MYH15: variants seen among roughly 807,000 people sequenced by gnomAD.
MYH15 encodes myosin-15.
A neutral mutation model predicts 240.5 loss-of-function variants in MYH15; 227 were observed. The ratio of observed to expected loss-of-function variants is 0.94; its 90% CI spans 0.85 to 1.05. The LOEUF (loss-of-function observed/expected upper bound fraction) is 1.05. Among genes scored for constraint, MYH15 ranks in the 50% least tolerant of loss-of-function variants. The pLI is 0.00. For missense variants in MYH15, 2,217 were observed against 2,247.5 expected (o/e 0.99, Z 0.27); for synonymous variants, 785 against 796.7 (o/e 0.99, Z 0.25).
intron 21 of MYH15, 39 bp downstream of exon 21, chr3:108,453,966 AT>A (rs2082997636): frequency 1.3e-6 from 2 of 1,591,254 alleles, no homozygotes; most frequent in African/African-American, 2.7e-5. Context: ...GAGGCACACT[AT>A]TACCCTAGCA....
At chr3:108,514,043 C>T (rs1481234870), upstream of MYH15, among the ~76,000 whole-genome samples, 1 of 152,080 alleles carries the variant, frequency 6.6e-6, no homozygotes, top group Non-Finnish European at 1.5e-5. Flanking sequence ...AATGGGAAGC[C>T]CTTACTGGGA....
the MYH15 span, among the ~76,000 whole-genome samples, chr3:108,547,366 T>G: frequency 1.3e-3 from 192 of 152,262 alleles, no homozygotes; most frequent in African/African-American, 4.3e-3. Context: ...AATTATTTTC[T>G]TAATCCAAAA....
intron 36 of MYH15, among the ~76,000 whole-genome samples, chr3:108,392,350 C>T (rs2082428438): frequency 6.6e-6 from 1 of 152,162 alleles, no homozygotes; most frequent in Non-Finnish European, 1.5e-5. Flanking sequence ...TTTCACATCT[C>T]ACTTCTATAA....
At chr3:108,512,227 C>T (rs542890731), upstream of MYH15, among the ~76,000 whole-genome samples, 49 of 152,070 alleles carry the variant, frequency 3.2e-4, no homozygotes, top group Non-Finnish European at 6.0e-4. Flanking sequence ...CATTGTTAGA[C>T]ATCTGAATAT....
At chr3:108,439,061 A>G (rs539225256) in intron 24 of MYH15, among the ~76,000 whole-genome samples, 179 of 152,230 alleles carry the variant, frequency 1.2e-3, no homozygotes, top group African/African-American at 4.0e-3. Context: ...AAGAAAAAAA[A>G]AAAACCTAAC....
At chr3:108,467,577 C>G (rs1172103753) in intron 14 of MYH15, among the ~76,000 whole-genome samples, 2 of 152,042 alleles carry the variant, frequency 1.3e-5, no homozygotes, top group African/African-American at 4.8e-5. Flanking sequence ...TAAAATCTAT[C>G]CTAATCCCAA....
chr3:108,448,580 C>T (rs950229789), intron 21 of MYH15, among the ~76,000 whole-genome samples: 5 of 151,956 alleles, frequency 3.3e-5, no homozygotes, highest in African/African-American at 1.2e-4. Context: ...CAAGATTTAA[C>T]ATCCATCCAT....
chr3:108,495,860 C>T lies in MYH15; in HGVS notation c.631G>A (p.Asp211Asn), dbSNP rs765030360. ...ATAGTATTCGCTTGCATGATTTGAT[C>T]TTCTAACGCCCCCTGAGACACATGC... is the stretch of plus-strand genomic sequence containing the variant. ...ESRKKQGALE[D>N]QIMQANTILE... is the part of the protein sequence containing the mutation. Residue 211 changes from aspartate to asparagine, a missense_variant, in exon 7 of 41, where the codon GAT becomes AAT. By Grantham distance (23) the Asp-to-Asn change is conservative. Coordinates refer to ENST00000693548, the MANE Select transcript of MYH15 (RefSeq NM_014981.3). 7 of 1,608,284 alleles carry T rather than the reference C, an allele frequency of 4.4e-6. No homozygotes were observed. In the African/African-American group the frequency reaches 5.4e-5, roughly 12 times the overall value.
chr3:108,450,856 AAAT>A (rs746016432), intron 21 of MYH15, among the ~76,000 whole-genome samples: 1 of 152,222 alleles, frequency 6.6e-6, no homozygotes, highest in Non-Finnish European at 1.5e-5. Context: ...AAAAGGAAAA[AAAT>A]AAACACAAAG....
intron 35 of MYH15, among the ~76,000 whole-genome samples, chr3:108,394,767 G>A (rs2082447296): frequency 6.6e-6 from 1 of 152,162 alleles, no homozygotes; most frequent in South Asian, 2.1e-4. Flanking sequence ...TCCTTCCTGA[G>A]TTGTGACACT....
chr3:108,453,215 T>A (rs1326908287), intron 21 of MYH15, among the ~76,000 whole-genome samples: 1 of 152,140 alleles, frequency 6.6e-6, no homozygotes, highest in Non-Finnish European at 1.5e-5. Context: ...CAAACTCCCA[T>A]ACCACATTGA....
chr3:108,384,674 C>T lies in MYH15; in HGVS notation c.5631+13G>A, dbSNP rs199532866. 7.7e-5 allele frequency: 124 copies of T among 1,609,980 alleles called. No individual in the cohort carries two copies. The African/African-American group carries it at 1.4e-3, about 18-fold the overall frequency. On this transcript the variant is annotated intron_variant, in intron 39 of 40. Transcript: ENST00000693548. ...GGGAAATCCATGAGGCTGAAACTTC[C>T]CCAGGCACTCACCGCCACCTCGACT...
chr3:108,463,583 T>C (rs889517664), intron 15 of MYH15, among the ~76,000 whole-genome samples: 4 of 152,032 alleles, frequency 2.6e-5, no homozygotes, highest in African/African-American at 7.2e-5. Flanking sequence ...AATCCACCCA[T>C]CTCAGCCTCC....
chr3:108,545,644 T>C, the MYH15 span, among the ~76,000 whole-genome samples: 3 of 152,048 alleles, frequency 2.0e-5, no homozygotes, highest in Non-Finnish European at 4.4e-5. Context: ...AAGTCAATTA[T>C]AATTTCATTA....
the MYH15 span, among the ~76,000 whole-genome samples, chr3:108,535,704 T>G: frequency 6.6e-6 from 1 of 152,154 alleles, no homozygotes; most frequent in African/African-American, 2.4e-5. Context: ...GAGTGTTTTT[T>G]GGGGGGTTTT....
intron 30 of MYH15, among the ~76,000 whole-genome samples, chr3:108,412,901 A>G (rs1406239644): frequency 2.0e-5 from 3 of 152,242 alleles, no homozygotes; most frequent in Non-Finnish European, 4.4e-5. Context: ...GATTTAGAGG[A>G]AAAGCATAAT....
intron 1 of MYH15, among the ~76,000 whole-genome samples, chr3:108,528,259 GA>G (rs1232340473): frequency 1.3e-5 from 2 of 151,958 alleles, no homozygotes; most frequent in East Asian, 1.9e-4. Context: ...TTAATAAATA[GA>G]AAAAAATAAT....
At chr3:108,393,848 G>C (rs1006335272) in intron 36 of MYH15, among the ~76,000 whole-genome samples, 183 bp downstream of exon 36, 1 of 152,202 alleles carries the variant, frequency 6.6e-6, no homozygotes, top group African/African-American at 2.4e-5. Context: ...ATGTTGGTGG[G>C]AGGAGCTAAT....
intron 37 of MYH15, among the ~76,000 whole-genome samples, chr3:108,391,541 A>G (rs2082422563): frequency 6.6e-6 from 1 of 152,184 alleles, no homozygotes; most frequent in Non-Finnish European, 1.5e-5. Context: ...GAGGGAAGGC[A>G]GATTTCATCC....
Sources: allele counts gnomAD v4.1 joint callset (sites outside exome capture counted in the v4.1 genomes callset), GRCh38; gene constraint gnomAD v4.1.1; transcripts MANE v1.5; gene names NCBI Gene and HGNC (gene_info 2026-07-23, HGNC 2026-07-21).